ZNF277: variants seen among roughly 807,000 people sequenced by gnomAD.
ZNF277 encodes zinc finger protein 277, also known as nuclear receptor-interacting factor 4.
A neutral mutation model predicts 60.7 loss-of-function variants in ZNF277; 55 were observed. That is an observed-to-expected ratio of 0.91 (90% CI 0.73 to 1.13). The LOEUF is 1.13. Among genes scored for constraint, ZNF277 ranks in the 50% most tolerant of loss-of-function variants. ZNF277 has a pLI of 0.00. For synonymous variants in ZNF277, 178 were observed against 179.3 expected, an observed-to-expected ratio of 0.99 and a Z score of 0.06; for missense variants, 510 against 523.0, an observed-to-expected ratio of 0.98 and a Z score of 0.24.
At chr7:112,224,749 G>C (rs1048778258) in intron 1 of ZNF277, among the ~76,000 whole-genome samples, 2 of 152,166 alleles carry the variant, frequency 1.3e-5, no homozygotes, top group African/African-American at 2.4e-5. Flanking sequence ...AGAGGAACAT[G>C]ACTAAAATAT....
chr7:112,324,319 T>C (rs1793051974), intron 5 of ZNF277, among the ~76,000 whole-genome samples: 1 of 152,158 alleles, frequency 6.6e-6, no homozygotes, highest in African/African-American at 2.4e-5. Flanking sequence ...ACAAAATAGT[T>C]GTATGGGTAC....
chr7:112,216,076 G>A (rs1821871227), intron 1 of ZNF277, among the ~76,000 whole-genome samples: 1 of 152,196 alleles, frequency 6.6e-6, no homozygotes, highest in Non-Finnish European at 1.5e-5. Flanking sequence ...GAGAAGGGAA[G>A]GAAAGGAAGG....
At chr7:112,296,397 T>C in intron 4 of ZNF277, 86 bp downstream of exon 4, 1 of 653,774 alleles carries the variant, frequency 1.5e-6, no homozygotes. Context: ...TTTTTTTTAC[T>C]TTTTGTTATG....
At chr7:112,261,661 C>G (rs922950988) in intron 1 of ZNF277, among the ~76,000 whole-genome samples, 5 of 152,044 alleles carry the variant, frequency 3.3e-5, no homozygotes, top group African/African-American at 9.7e-5. Context: ...AATTTTTTAA[C>G]CTTTATGATC....
chr7:112,278,168 G>A (rs1791856214), intron 1 of ZNF277, among the ~76,000 whole-genome samples: 1 of 152,042 alleles, frequency 6.6e-6, no homozygotes, highest in Non-Finnish European at 1.5e-5. Context: ...TTAATTTAAT[G>A]TTCTGCAGAA....
At chr7:112,236,925 T>C (rs1001853584) in intron 1 of ZNF277, among the ~76,000 whole-genome samples, 3 of 152,072 alleles carry the variant, frequency 2.0e-5, no homozygotes, top group African/African-American at 7.2e-5. Flanking sequence ...AACCACAAAA[T>C]ATACATTATT....
chr7:112,213,954 G>A lies in ZNF277; in HGVS notation c.91+7147G>A, dbSNP rs1411205178. ...TTAGGTGAGATGATATAATAGTCTGGTCTTCAATTGTGACTGTTATTTCAG... is the reference window on the plus strand; with the variant it reads ...TTAGGTGAGATGATATAATAGTCTGATCTTCAATTGTGACTGTTATTTCAG... On this transcript the variant is annotated intron_variant, in intron 1 of 11. Coordinates refer to ENST00000361822, the MANE Select transcript of ZNF277 (RefSeq NM_021994.3). Among the ~76,000 whole-genome samples, 3 of 152,282 alleles carry A rather than the reference G, an allele frequency of 2.0e-5. No individual in the cohort carries two copies. The South Asian group carries it at 6.2e-4, about 32-fold the overall frequency.
intron 1 of ZNF277, among the ~76,000 whole-genome samples, chr7:112,276,535 C>T (rs1163415116): frequency 3.9e-5 from 6 of 152,074 alleles, no homozygotes; most frequent in Admixed American, 1.3e-4. Flanking sequence ...AAATTTGTTG[C>T]CTTTTCTCAA....
intron 6 of ZNF277, chr7:112,328,503 C>G (rs1793150365): frequency 1.3e-5 from 2 of 152,048 alleles, no homozygotes; most frequent in African/African-American, 4.8e-5. Context: ...TCTGAGAACC[C>G]AGTTTTCTTT....
chr7:112,287,163 TGG>T, intron 2 of ZNF277, 89 bp downstream of exon 2: 1 of 1,390,040 alleles, frequency 7.2e-7, no homozygotes, highest in Non-Finnish European at 1.0e-6. Context: ...GAGGCCAAAG[TGG>T]GAGGATCACC....
chr7:112,301,231 G>A (rs914771532), intron 4 of ZNF277, among the ~76,000 whole-genome samples: 2 of 151,864 alleles, frequency 1.3e-5, no homozygotes, highest in Non-Finnish European at 2.9e-5. Flanking sequence ...TCGAACTCCT[G>A]GGCTCAAGAG....
chr7:112,327,942 G>A (rs1793136346), intron 6 of ZNF277, 115 bp downstream of exon 6: 1 of 717,104 alleles, frequency 1.4e-6, no homozygotes, highest in Non-Finnish European at 2.2e-6. Flanking sequence ...TCCCATGTTG[G>A]AGGAGTTCAC....
At chr7:112,327,850 C>T (rs760592436) in intron 6 of ZNF277, 23 bp downstream of exon 6, 7 of 1,444,416 alleles carry the variant, frequency 4.8e-6, no homozygotes, top group South Asian at 1.3e-5. Context: ...TTATGAAACA[C>T]TGCCTAAAGC....
chr7:112,223,465 T>G lies in ZNF277; in HGVS notation c.91+16658T>G, dbSNP rs910189608. 1.2e-4 allele frequency among the ~76,000 whole-genome samples: 18 copies of G among 152,168 alleles called. 1 individual carries two copies. The highest frequency in any genetic ancestry group is 4.3e-4 in the African/African-American group (18 of 41,450). ...CTAGTATGTGTGACTTTTCCCAGTC[T>G]CCATGGTGGATAGTTTTGGAAGAGG... On this transcript the variant is annotated intron_variant, in intron 1 of 11. Transcript: ENST00000361822.
At chr7:112,229,211 G>A (rs1179854335) in intron 1 of ZNF277, among the ~76,000 whole-genome samples, 3 of 152,198 alleles carry the variant, frequency 2.0e-5, no homozygotes, top group Non-Finnish European at 4.4e-5. Context: ...GGAATGGATG[G>A]AGAACATGTT....
At chr7:112,290,572 T>C (rs1433051697) in intron 2 of ZNF277, among the ~76,000 whole-genome samples, 1 of 152,218 alleles carries the variant, frequency 6.6e-6, no homozygotes, top group African/African-American at 2.4e-5. Context: ...ATTTGAAATA[T>C]GGAAACCTAG....
intron 9 of ZNF277, among the ~76,000 whole-genome samples, 192 bp downstream of exon 9, chr7:112,338,018 G>C (rs1411652676): frequency 6.6e-6 from 1 of 152,192 alleles, no homozygotes; most frequent in African/African-American, 2.4e-5. Context: ...CGAGTGAGCT[G>C]TTTGTTAGTG....
intron 5 of ZNF277, among the ~76,000 whole-genome samples, chr7:112,318,519 T>C (rs1486131749): frequency 1.3e-5 from 2 of 152,092 alleles, no homozygotes; most frequent in East Asian, 1.9e-4. Context: ...ACTTTTAAAA[T>C]TGGCTGACCT....
chr7:112,234,991 G>C (rs1465687341), intron 1 of ZNF277, among the ~76,000 whole-genome samples: 1 of 151,670 alleles, frequency 6.6e-6, no homozygotes, highest in African/African-American at 2.4e-5. Context: ...TTTGTTGTTT[G>C]TTAATTATTG....
Sources: gnomAD v4.1 joint callset for allele counts (sites outside exome capture counted in the v4.1 genomes callset) on GRCh38, gnomAD v4.1.1 for gene constraint, MANE v1.5 for transcripts, NCBI Gene and HGNC (gene_info 2026-07-23, HGNC 2026-07-21) for gene names.